Variants in TET3 observed in about 807,000 individuals in gnomAD.
The protein encoded by TET3 is methylcytosine dioxygenase TET3.
Under a neutral mutation model 141.4 loss-of-function variants are expected in TET3, and 19 were observed. The ratio of observed to expected loss-of-function variants is 0.13; its 90% CI spans 0.09 to 0.20. The LOEUF is 0.20. Among genes scored for constraint, TET3 ranks in the 10% least tolerant of loss-of-function variants. TET3 has a pLI of 1.00. For missense variants in TET3, 1,874 were observed against 2,356.9 expected (o/e 0.80, Z 4.24); for synonymous variants, 1,043 against 980.9 (o/e 1.06, Z -1.18).
chr2:74,040,539 C>T (rs1687287438), intron 3 of TET3, among the ~76,000 whole-genome samples: 1 of 152,092 alleles, frequency 6.6e-6, no homozygotes, highest in Admixed American at 6.5e-5. Context: ...CTGTTTTAGA[C>T]AAGCTGACTC....
At chr2:74,059,932 A>G (rs1229369627) in intron 4 of TET3, among the ~76,000 whole-genome samples, 1 of 152,074 alleles carries the variant, frequency 6.6e-6, no homozygotes, top group Non-Finnish European at 1.5e-5. Flanking sequence ...TAGGTCACTG[A>G]TGGTCTTTTG....
chr2:74,100,086 A>C (rs969807422), intron 11 of TET3, among the ~76,000 whole-genome samples: 1 of 152,052 alleles, frequency 6.6e-6, no homozygotes, highest in African/African-American at 2.4e-5. Flanking sequence ...GGTTCAGTAC[A>C]ACTTCTGGAG....
chr2:74,046,241 C>T lies in TET3; in HGVS notation c.361-37C>T. ...GAAATGCTTTTCAAATAGTGTGGTT[C>T]ATTTTTTTCCTTTTTCCCCCTTCTC... is the stretch of plus-strand genomic sequence containing the variant. On this transcript the variant is annotated intron_variant, in intron 3 of 11. Transcript: ENST00000409262. The surrounding 1 kb of genome is among the most constrained non-coding windows in gnomAD (Gnocchi z 4.3). The T allele has an allele frequency of 2.0e-6, 3 of 1,465,818 alleles. No individual in the cohort carries two copies. Among genetic ancestry groups the T allele is most frequent in the Non-Finnish European group, 2.7e-6 (3 of 1,109,876 alleles). 90.8% of individuals were successfully genotyped at this position (1,465,818 alleles called of 1,614,324 possible).
chr2:74,058,425 T>C (rs1009520632), intron 4 of TET3, among the ~76,000 whole-genome samples: 5 of 152,084 alleles, frequency 3.3e-5, no homozygotes, highest in African/African-American at 1.2e-4. Flanking sequence ...TGAAAAGGTG[T>C]TATAAGTTAT....
intron 4 of TET3, among the ~76,000 whole-genome samples, chr2:74,069,145 ATT>A (rs11322446): frequency 2.8e-4 from 41 of 148,676 alleles, no homozygotes; most frequent in African/African-American, 7.9e-4. Flanking sequence ...GTATAGTTTA[ATT>A]TTTTTTTTTA....
Position 74,076,461 on chromosome 2 carries a change from T to G in TET3, c.2585+2822T>G, listed in dbSNP as rs920946256. Among the ~76,000 whole-genome samples the G allele has an allele frequency of 2.3e-3, 340 of 147,654 alleles. 3 individuals carry two copies. The highest frequency in any genetic ancestry group is 7.6e-3 in the African/African-American group (304 of 40,140). On this transcript the variant is annotated intron_variant, in intron 5 of 11. Coordinates refer to ENST00000409262, the MANE Select transcript of TET3 (RefSeq NM_001287491.2). ...TCTGGGTTTTTTTTTTTTTTTTTTT[T>G]TTTTTTTTTGTCTATTTTATTTTGT...
At chr2:74,023,868 G>T (rs1686200494) in intron 3 of TET3, among the ~76,000 whole-genome samples, 1 of 151,216 alleles carries the variant, frequency 6.6e-6, no homozygotes, top group African/African-American at 2.4e-5. Flanking sequence ...TTGTTTTATT[G>T]GTTTTCAGGA....
At position 74,087,683 on chromosome 2, in the gene TET3, GT is replaced by G; in HGVS notation, c.2680-146del. ...TTCCCTAATAATGGTCTCTTAGCTT[GT>G]AAGGTTGCTGTCTTCAGGGCATGAC... On this transcript the variant is annotated intron_variant, in intron 6 of 11. Transcript: ENST00000409262. This position sits in a 1 kb window ranked among gnomAD's most constrained non-coding sequence, Gnocchi z 4.3. 1 of 610,690 alleles carries G rather than the reference GT, an allele frequency of 1.6e-6. No homozygotes were observed. Among genetic ancestry groups the G allele is most frequent in the Non-Finnish European group, 2.7e-6 (1 of 371,326 alleles). The allele number at this position is 610,690 out of a possible 1,614,324, so 37.8% of individuals were successfully genotyped here.
At position 74,027,284 on chromosome 2, in the gene TET3, C is replaced by T. The variant is rs147998959; in HGVS notation, c.361-18994C>T. ...GATGAAGGATCAATGTGTGCTTTCTCGTTTTCTTAGCCTTTTAGACTTTCG... is the reference window on the plus strand; with the variant it reads ...GATGAAGGATCAATGTGTGCTTTCTTGTTTTCTTAGCCTTTTAGACTTTCG... On this transcript the variant is annotated intron_variant, in intron 3 of 11. Transcript: ENST00000409262. 3.3e-3 allele frequency among the ~76,000 whole-genome samples: 498 copies of T among 150,306 alleles called. 2 individuals carry two copies. The highest frequency in any genetic ancestry group is 0.012 in the African/African-American group (485 of 40,956).
intron 4 of TET3, among the ~76,000 whole-genome samples, chr2:74,058,514 C>G (rs1688329200): frequency 6.7e-6 from 1 of 149,938 alleles, no homozygotes; most frequent in South Asian, 2.1e-4. Context: ...TGAAGAATCA[C>G]CTACAAGTTT....
chr2:74,125,234 G>A, the TET3 span, among the ~76,000 whole-genome samples: 21 of 152,054 alleles, frequency 1.4e-4, no homozygotes, highest in African/African-American at 4.6e-4. Flanking sequence ...TGCCTGCCTC[G>A]GCCTCCCAAA....
chr2:74,105,552 C>A lies in TET3; in HGVS notation c.*3376C>A. The A allele has an allele frequency of 2.5e-6, 1 of 397,984 alleles. No individual in the cohort carries two copies. Among genetic ancestry groups the A allele is most frequent in the East Asian group, 3.6e-5 (1 of 28,022 alleles). 24.7% of individuals were successfully genotyped at this position (397,984 alleles called of 1,614,324 possible). On this transcript the variant is annotated 3_prime_UTR_variant, in exon 12 of 12. Transcript: ENST00000409262. ...TAGCAGGGCCAATGTTTCCCACACCCCGGCTTCATGGGTACTGCTTTGCCT... is the reference window on the plus strand; with the variant it reads ...TAGCAGGGCCAATGTTTCCCACACCACGGCTTCATGGGTACTGCTTTGCCT...
At chr2:74,058,184 C>T (rs867571058) in intron 4 of TET3, among the ~76,000 whole-genome samples, 4 of 152,104 alleles carry the variant, frequency 2.6e-5, no homozygotes, top group African/African-American at 4.8e-5. Flanking sequence ...AAAAGCAGAT[C>T]GGTGAGGAAG....
intron 10 of TET3, among the ~76,000 whole-genome samples, chr2:74,098,762 T>C (rs1690995448): frequency 6.6e-6 from 1 of 152,082 alleles, no homozygotes; most frequent in Admixed American, 6.6e-5. Context: ...CCAGGCTAAT[T>C]TTTATATTTT....
intron 2 of TET3, among the ~76,000 whole-genome samples, chr2:73,990,443 G>C (rs1558690241): frequency 6.6e-6 from 1 of 152,190 alleles, no homozygotes; most frequent in Non-Finnish European, 1.5e-5. Flanking sequence ...CCAGGCAGAG[G>C]GAGGGAGGAG....
the TET3 span, chr2:74,121,975 G>A: frequency 4.6e-5 from 7 of 152,304 alleles, no homozygotes; most frequent in African/African-American, 1.7e-4. Flanking sequence ...TCCAACCTGG[G>A]TGACAGAGTG....
At position 74,047,636 on chromosome 2, in the gene TET3, A is replaced by C. The variant is rs1205025964; in HGVS notation, c.1719A>C (p.Arg573Ser). Residue 573 changes from arginine to serine, a missense_variant, in exon 4 of 12, where the codon AGA becomes AGC. Coordinates refer to ENST00000409262, the MANE Select transcript of TET3 (RefSeq NM_001287491.2). The part of the protein sequence containing the change: ...PSSPVPRLPD[R>S]PPKEKKKKLP... Reference sequence around the variant, plus strand: ...CACCTGTCCCACGGCTTCCAGACAGACCACCCAAGGAGAAGAAGAAGAAGC... The same window carrying C: ...CACCTGTCCCACGGCTTCCAGACAGCCCACCCAAGGAGAAGAAGAAGAAGC... 2 of 1,613,594 alleles carry C rather than the reference A, an allele frequency of 1.2e-6. No individual in the cohort carries two copies. Among genetic ancestry groups the C allele is most frequent in the Admixed American group, 3.3e-5 (2 of 59,940 alleles).
At chr2:74,067,847 T>G (rs1393341902) in intron 4 of TET3, among the ~76,000 whole-genome samples, 1 of 152,220 alleles carries the variant, frequency 6.6e-6, no homozygotes, top group African/African-American at 2.4e-5. Flanking sequence ...TGGGACAGGT[T>G]GCAAGGCAGG....
intron 10 of TET3, among the ~76,000 whole-genome samples, chr2:74,095,334 TAGAG>T (rs1690760136): frequency 6.6e-6 from 1 of 152,038 alleles, no homozygotes; most frequent in African/African-American, 2.4e-5. Context: ...CCCACAGTGT[TAGAG>T]AGACGAAGGA....
Sources: gnomAD v4.1 joint callset for allele counts (sites outside exome capture counted in the v4.1 genomes callset) on GRCh38, gnomAD v4.1.1 for gene constraint, Gnocchi (gnomAD v3.1) non-coding constraint, MANE v1.5 for transcripts, NCBI Gene and HGNC (gene_info 2026-07-23, HGNC 2026-07-21) for gene names.